The following BAZ2B variants were observed in gnomAD, a reference collection of about 807,000 sequenced individuals.
BAZ2B encodes the protein bromodomain adjacent to zinc finger domain protein 2B.
A neutral mutation model predicts 246.0 loss-of-function variants in BAZ2B; 91 were observed. The observed-to-expected ratio is 0.37, with a 90% CI of 0.31 to 0.44. BAZ2B has a LOEUF of 0.44. BAZ2B is among the 20% of genes least tolerant of loss of function. The pLI, the probability that BAZ2B is intolerant of heterozygous loss-of-function variation, is 1.00. For synonymous variants in BAZ2B, 855 were observed against 860.0 expected (o/e 0.99, Z 0.10); for missense variants, 2,332 against 2,533.7 (o/e 0.92, Z 1.71).
intron 4 of BAZ2B, among the ~76,000 whole-genome samples, chr2:159,449,384 C>A (rs1415803513): frequency 6.6e-6 from 1 of 151,558 alleles, no homozygotes; most frequent in Middle Eastern, 3.2e-3. Context: ...ACTGTGACAA[C>A]CATAAGAACA....
chr2:159,348,022 A>T, intron 30 of BAZ2B, among the ~76,000 whole-genome samples: 1 of 152,106 alleles, frequency 6.6e-6, no homozygotes, highest in Non-Finnish European at 1.5e-5. Flanking sequence ...CACATCCCTT[A>T]TATAAAATGG....
At chr2:159,630,130 A>G in the BAZ2B span, among the ~76,000 whole-genome samples, 3 of 152,220 alleles carry the variant, frequency 2.0e-5, no homozygotes, top group African/African-American at 4.8e-5. Flanking sequence ...AACCATATAA[A>G]GTCATTTACA....
At position 159,377,812 on chromosome 2, in the gene BAZ2B, C is replaced by CAAAAAAAAAAAAAA. The variant is rs35570732; in HGVS notation, c.4006-3073_4006-3060dup. ...GGGTGACAGAGCGAGACTCTGTCTC[C>CAAAAAAAAAAAAAA]AAAAAAAAAAAAAAAAAAGAAGTGA... On this transcript the variant is annotated intron_variant, in intron 25 of 36. Coordinates refer to ENST00000392783, the MANE Select transcript of BAZ2B (RefSeq NM_013450.4). 5.5e-3 allele frequency among the ~76,000 whole-genome samples: 522 copies of CAAAAAAAAAAAAAA among 94,090 alleles called. 3 individuals are homozygous for CAAAAAAAAAAAAAA. Among genetic ancestry groups the CAAAAAAAAAAAAAA allele is most frequent in the Middle Eastern group, 0.016 (3 of 186 alleles). The allele number at this position is 94,090 out of a possible 152,430, so 61.7% of individuals were successfully genotyped here.
chr2:159,386,271 ATCT>A lies in BAZ2B; in HGVS notation c.3471+79_3471+81del, dbSNP rs376936845. On this transcript the variant is annotated intron_variant, in intron 22 of 36. Transcript: ENST00000392783. ...TGGAAAAATTAGATCAATCTATATA[ATCT>A]TCTGCTAATATGCTAAAGCTATCTA... 10,448 of 1,351,820 alleles carry A rather than the reference ATCT, an allele frequency of 7.7e-3. 193 individuals are homozygous for A. Among genetic ancestry groups the A allele is most frequent in the South Asian group, 0.05 (3,377 of 66,932 alleles). 83.7% of individuals were successfully genotyped at this position (1,351,820 alleles called of 1,614,324 possible).
At chr2:159,668,561 A>T in the BAZ2B span, among the ~76,000 whole-genome samples, 1 of 152,284 alleles carries the variant, frequency 6.6e-6, no homozygotes, top group African/African-American at 2.4e-5. Flanking sequence ...TTTTATCTCA[A>T]TCATGTAGGT....
At chr2:159,524,824 G>A (rs971726904) in intron 2 of BAZ2B, among the ~76,000 whole-genome samples, 2 of 152,004 alleles carry the variant, frequency 1.3e-5, no homozygotes, top group Non-Finnish European at 2.9e-5. Context: ...ATTTTAATTA[G>A]TAGTAGGCCT....
At chr2:159,566,323 C>T (rs1176522249) in intron 1 of BAZ2B, among the ~76,000 whole-genome samples, 2 of 152,044 alleles carry the variant, frequency 1.3e-5, no homozygotes, top group Non-Finnish European at 2.9e-5. Context: ...GTTGACATAT[C>T]TTATGATGTG....
intron 32 of BAZ2B, 94 bp downstream of exon 32, chr2:159,337,473 A>T: frequency 6.2e-7 from 1 of 1,607,998 alleles, no homozygotes; most frequent in Non-Finnish European, 8.5e-7. Flanking sequence ...CGTCACCATC[A>T]CCACTAACGG....
intron 1 of BAZ2B, among the ~76,000 whole-genome samples, chr2:159,596,194 A>G (rs1285524114): frequency 2.0e-5 from 3 of 152,332 alleles, no homozygotes; most frequent in African/African-American, 7.2e-5. Flanking sequence ...GACTTGTTGA[A>G]GACTCCAAAA....
chr2:159,395,898 AAAAAAC>A (rs1270556425), intron 19 of BAZ2B, 64 bp from the exon 20 acceptor site: 11 of 1,435,590 alleles, frequency 7.7e-6, no homozygotes, highest in East Asian at 2.3e-5. Context: ...TTTTCCAATG[AAAAAAC>A]AAAAACAAAA....
chr2:159,343,919 G>T (rs13382574), intron 31 of BAZ2B, among the ~76,000 whole-genome samples: 2 of 151,116 alleles, frequency 1.3e-5, no homozygotes, highest in African/African-American at 4.9e-5. Context: ...TCAGCTACTC[G>T]GGAGACTGAG....
chr2:159,437,997 TACTC>T, intron 8 of BAZ2B: 1 of 211,118 alleles, frequency 4.7e-6, no homozygotes, highest in East Asian at 1.3e-4. Flanking sequence ...AAGCTTGTCT[TACTC>T]AAACATATTT....
At chr2:159,449,527 C>T (rs569968707) in intron 4 of BAZ2B, among the ~76,000 whole-genome samples, 1 of 152,276 alleles carries the variant, frequency 6.6e-6, no homozygotes, top group East Asian at 1.9e-4. Flanking sequence ...TATGCACCTT[C>T]ATTATCTAAT....
At chr2:159,321,822 T>C (rs912621963) in intron 36 of BAZ2B, 14 of 152,164 alleles carry the variant, frequency 9.2e-5, no homozygotes, top group African/African-American at 3.4e-4. Flanking sequence ...GAATAAGACC[T>C]AGTATGTGAC....
At chr2:159,669,982 T>C in the BAZ2B span, among the ~76,000 whole-genome samples, 3,214 of 152,282 alleles carry the variant, frequency 0.021, 120 homozygotes, top group African/African-American at 0.073. Flanking sequence ...TTCCTCTTTT[T>C]TTTCTTGAGA....
At chr2:159,707,379 T>A in the BAZ2B span, among the ~76,000 whole-genome samples, 1 of 151,638 alleles carries the variant, frequency 6.6e-6, no homozygotes, top group Non-Finnish European at 1.5e-5. Flanking sequence ...TGAGAACTCA[T>A]CTCTATTAAA....
upstream of BAZ2B, among the ~76,000 whole-genome samples, chr2:159,618,055 T>C (rs1300412716): frequency 2.0e-5 from 3 of 152,218 alleles, no homozygotes; most frequent in Non-Finnish European, 4.4e-5. Context: ...TTTGTAGTAG[T>C]TTATTTCATT....
intron 1 of BAZ2B, among the ~76,000 whole-genome samples, chr2:159,563,180 G>A (rs1181592215): frequency 2.6e-5 from 4 of 152,090 alleles, no homozygotes; most frequent in African/African-American, 9.7e-5. Context: ...TGAATATTTA[G>A]AGAAATTAAA....
upstream of BAZ2B, among the ~76,000 whole-genome samples, chr2:159,618,268 A>T (rs1410736950): frequency 1.3e-5 from 2 of 152,230 alleles, no homozygotes; most frequent in Non-Finnish European, 2.9e-5. Context: ...TCTCTACAGT[A>T]AAAACTGGCC....
Sources: gnomAD v4.1 joint callset for allele counts (sites outside exome capture counted in the v4.1 genomes callset) on GRCh38, gnomAD v4.1.1 for gene constraint, MANE v1.5 for transcripts, NCBI Gene and HGNC (gene_info 2026-07-23, HGNC 2026-07-21) for gene names.